Variants in FAM174A observed in about 807,000 individuals in gnomAD.
The protein encoded by FAM174A is membrane protein FAM174A.
In FAM174A, 14 loss-of-function variants were observed where a neutral mutation model predicts 14.3. The ratio of observed to expected loss-of-function variants is 0.98; its 90% CI spans 0.65 to 1.53. FAM174A has a LOEUF of 1.53. Among genes scored for constraint, FAM174A ranks in the 40% most tolerant of loss-of-function variants. The pLI is 0.00. For missense variants in FAM174A, 241 were observed against 249.6 expected, an observed-to-expected ratio of 0.97 and a Z score of 0.23; for synonymous variants, 108 against 111.4, an observed-to-expected ratio of 0.97 and a Z score of 0.19.
intron 2 of FAM174A, among the ~76,000 whole-genome samples, chr5:100,580,299 G>A (rs1228116627): frequency 7.2e-5 from 11 of 152,140 alleles, no homozygotes; most frequent in African/African-American, 2.7e-4. Flanking sequence ...ATATAGTACC[G>A]TTCATAGGAA....
chr5:100,561,836 T>G (rs569823823), intron 1 of FAM174A, among the ~76,000 whole-genome samples: 1 of 151,966 alleles, frequency 6.6e-6, no homozygotes, highest in East Asian at 1.9e-4. Context: ...GAAGAGAGTA[T>G]GTCAGACAGA....
At chr5:100,583,146 A>G (rs1032654953) in intron 2 of FAM174A, among the ~76,000 whole-genome samples, 2 of 152,168 alleles carry the variant, frequency 1.3e-5, no homozygotes, top group African/African-American at 4.8e-5. Context: ...GTGAAAGTAG[A>G]TCTCATAAAG....
At chr5:100,560,247 A>G (rs1280005840) in intron 1 of FAM174A, among the ~76,000 whole-genome samples, 1 of 152,048 alleles carries the variant, frequency 6.6e-6, no homozygotes, top group East Asian at 1.9e-4. Flanking sequence ...TTTTATAGAG[A>G]AAGTTTAGAC....
At chr5:100,558,177 G>T (rs1432748782) in intron 1 of FAM174A, among the ~76,000 whole-genome samples, 1 of 152,148 alleles carries the variant, frequency 6.6e-6, no homozygotes, top group East Asian at 1.9e-4. Context: ...CTTTATTTCT[G>T]CCTTCATTTC....
intron 2 of FAM174A, among the ~76,000 whole-genome samples, chr5:100,565,587 C>T (rs1746626571): frequency 6.6e-6 from 1 of 151,732 alleles, no homozygotes; most frequent in Non-Finnish European, 1.5e-5. Flanking sequence ...ACAGAAATTC[C>T]TCAATAAATT....
intron 2 of FAM174A, among the ~76,000 whole-genome samples, chr5:100,574,102 T>C (rs1436954655): frequency 6.6e-6 from 1 of 152,176 alleles, no homozygotes; most frequent in Admixed American, 6.6e-5. Flanking sequence ...ATGAACTGTA[T>C]ATGTGAGCAC....
chr5:100,573,183 T>G (rs1456445384), intron 2 of FAM174A, among the ~76,000 whole-genome samples: 1 of 152,118 alleles, frequency 6.6e-6, no homozygotes, highest in African/African-American at 2.4e-5. Context: ...TTGCGAAAAT[T>G]TTCTCCCATT....
chr5:100,542,815 G>A (rs1746085576), intron 1 of FAM174A, among the ~76,000 whole-genome samples: 1 of 151,916 alleles, frequency 6.6e-6, no homozygotes, highest in African/African-American at 2.4e-5. Context: ...GCAATATAGT[G>A]AGATCCTGCT....
chr5:100,583,815 A>G (rs1165519485), intron 2 of FAM174A, among the ~76,000 whole-genome samples: 2 of 152,172 alleles, frequency 1.3e-5, no homozygotes, highest in African/African-American at 2.4e-5. Context: ...TCAATGGTAT[A>G]TTCCTTCTAG....
At chr5:100,538,920 G>A (rs1745995838) in intron 1 of FAM174A, among the ~76,000 whole-genome samples, 1 of 152,022 alleles carries the variant, frequency 6.6e-6, no homozygotes, top group South Asian at 2.1e-4. Context: ...TAGCACGTAT[G>A]GTAATTATAT....
rs1745924771 is a variant in FAM174A, at chr5:100,535,642, G to C, written c.112G>C (p.Glu38Gln). The C allele has an allele frequency of 1.9e-6, 3 of 1,612,882 alleles. No individual in the cohort carries two copies. The highest frequency in any genetic ancestry group is 2.5e-6 in the Non-Finnish European group (3 of 1,179,908). ...CCTGGCAGTCCTGCTGCAGGCAGCC[G>C]AGGCCGCGCCAGGTCTTGGGCCTCC... Reference protein sequence around the residue: ...GPLAVLLQAAEAAPGLGPPDP... With the variant: ...GPLAVLLQAAQAAPGLGPPDP... The change falls in exon 1 of 3, where the codon GAG becomes CAG. Residue 38 changes from glutamate (E) to glutamine (Q), a missense_variant. Coordinates refer to ENST00000312637, the MANE Select transcript of FAM174A (RefSeq NM_198507.3).
chr5:100,581,176 C>T (rs935510821), intron 2 of FAM174A, among the ~76,000 whole-genome samples: 5 of 152,132 alleles, frequency 3.3e-5, no homozygotes, highest in Non-Finnish European at 5.9e-5. Flanking sequence ...GTGATTCACT[C>T]ACCCGGGCCT....
intron 2 of FAM174A, among the ~76,000 whole-genome samples, chr5:100,584,483 G>T (rs887435086): frequency 6.6e-6 from 1 of 152,028 alleles, no homozygotes; most frequent in Non-Finnish European, 1.5e-5. Flanking sequence ...TCTCCTTTTA[G>T]CTTGACAATT....
At chr5:100,578,319 G>A (rs57568619) in intron 2 of FAM174A, among the ~76,000 whole-genome samples, 1,666 of 152,200 alleles carry the variant, frequency 0.011, 29 homozygotes, top group African/African-American at 0.038. Flanking sequence ...CTTGAATCTT[G>A]ATTCCTCCTC....
intron 1 of FAM174A, among the ~76,000 whole-genome samples, chr5:100,552,197 C>T (rs1746277368): frequency 6.6e-6 from 1 of 152,104 alleles, no homozygotes. Context: ...GTATAGACAA[C>T]TACAATTGTG....
chr5:100,555,248 G>T (rs1189761443), intron 1 of FAM174A, among the ~76,000 whole-genome samples: 5 of 151,928 alleles, frequency 3.3e-5, no homozygotes, highest in Middle Eastern at 3.2e-3. Flanking sequence ...TCCCTACAAA[G>T]GACATGAACT....
intron 1 of FAM174A, among the ~76,000 whole-genome samples, chr5:100,539,444 A>C (rs1251293274): frequency 6.6e-6 from 1 of 152,198 alleles, no homozygotes; most frequent in Non-Finnish European, 1.5e-5. Context: ...CTATACGCTA[A>C]GACACAACGT....
At chr5:100,575,890 C>T (rs1746895235) in intron 2 of FAM174A, among the ~76,000 whole-genome samples, 1 of 152,034 alleles carries the variant, frequency 6.6e-6, no homozygotes, top group Non-Finnish European at 1.5e-5. Flanking sequence ...GAACAGTCTA[C>T]AGTATAACTT....
At chr5:100,561,390 C>T (rs1255600982) in intron 1 of FAM174A, among the ~76,000 whole-genome samples, 1 of 151,926 alleles carries the variant, frequency 6.6e-6, no homozygotes, top group Non-Finnish European at 1.5e-5. Flanking sequence ...TTTCTCGTAA[C>T]TTCCTAGGTG....
Sources: allele counts gnomAD v4.1 joint callset (sites outside exome capture counted in the v4.1 genomes callset), GRCh38; gene constraint gnomAD v4.1.1; transcripts MANE v1.5; gene names NCBI Gene and HGNC (gene_info 2026-07-23, HGNC 2026-07-21).